The following SLC16A1 variants were observed in gnomAD, a reference collection of about 807,000 sequenced individuals.
The protein encoded by SLC16A1 is monocarboxylate transporter 1.
A neutral mutation model predicts 32.2 loss-of-function variants in SLC16A1; 11 were observed. The ratio of observed to expected loss-of-function variants is 0.34; its 90% CI spans 0.21 to 0.56. The LOEUF is 0.56. SLC16A1 is among the 20% of genes least tolerant of loss of function. The pLI, the probability that SLC16A1 is intolerant of heterozygous loss-of-function variation, is 0.87. For synonymous variants in SLC16A1, 231 were observed against 226.8 expected, an observed-to-expected ratio of 1.02 and a Z score of -0.17; for missense variants, 435 against 615.0, an observed-to-expected ratio of 0.71 and a Z score of 3.10.
At chr1:112,935,405 T>C (rs1649269121) in intron 1 of SLC16A1, among the ~76,000 whole-genome samples, 1 of 151,722 alleles carries the variant, frequency 6.6e-6, no homozygotes, top group Non-Finnish European at 1.5e-5. Context: ...AAGACTCCGC[T>C]TCAAAAAAAA....
chr1:112,952,697 C>T (rs1273474295), intron 1 of SLC16A1, among the ~76,000 whole-genome samples: 3 of 152,064 alleles, frequency 2.0e-5, no homozygotes, highest in Non-Finnish European at 4.4e-5. Flanking sequence ...TGTCGCTCAA[C>T]TCTTTGTGTT....
chr1:112,934,034 G>A (rs190618138), intron 1 of SLC16A1, among the ~76,000 whole-genome samples: 2 of 152,110 alleles, frequency 1.3e-5, no homozygotes, highest in Non-Finnish European at 2.9e-5. Flanking sequence ...TGATGCATGC[G>A]ATAACATGGA....
chr1:112,925,749 C>A (rs1648917305), intron 2 of SLC16A1, among the ~76,000 whole-genome samples: 1 of 152,126 alleles, frequency 6.6e-6, no homozygotes, highest in Non-Finnish European at 1.5e-5. Flanking sequence ...ATCTTAATTA[C>A]AAGAAAGTCT....
intron 1 of SLC16A1, among the ~76,000 whole-genome samples, chr1:112,947,885 A>C (rs1047574393): frequency 6.6e-6 from 1 of 152,190 alleles, no homozygotes; most frequent in Non-Finnish European, 1.5e-5. Flanking sequence ...TTGGCACTGA[A>C]ACATGATTCA....
At chr1:112,929,391 G>T in intron 1 of SLC16A1, 39 bp from the exon 2 acceptor site, 3 of 1,114,800 alleles carry the variant, frequency 2.7e-6, no homozygotes, top group East Asian at 2.5e-5. Flanking sequence ...TCAATATAAG[G>T]CACACCTATA....
intron 1 of SLC16A1, among the ~76,000 whole-genome samples, chr1:112,930,907 C>T (rs1449204234): frequency 9.9e-5 from 15 of 152,024 alleles, no homozygotes; most frequent in South Asian, 6.2e-4. Flanking sequence ...TTAGTAGAGA[C>T]GGGGTTTGGC....
chr1:112,944,994 C>CTTTTT (rs151186476), intron 1 of SLC16A1, among the ~76,000 whole-genome samples: 6 of 123,308 alleles, frequency 4.9e-5, no homozygotes, highest in Non-Finnish European at 5.0e-5. Context: ...CACCCAGCCT[C>CTTTTT]TTTTTTTTTT....
At chr1:112,932,032 CA>C (rs1649148121) in intron 1 of SLC16A1, among the ~76,000 whole-genome samples, 1 of 152,154 alleles carries the variant, frequency 6.6e-6, no homozygotes, top group Non-Finnish European at 1.5e-5. Context: ...CACTCAACTC[CA>C]AAACACTGTT....
chr1:112,932,419 G>A (rs563796751), intron 1 of SLC16A1, among the ~76,000 whole-genome samples: 1 of 152,162 alleles, frequency 6.6e-6, no homozygotes, highest in African/African-American at 2.4e-5. Context: ...TGTAGTCCTA[G>A]CTACTTGGGA....
At chr1:112,948,885 C>T (rs535077855) in intron 1 of SLC16A1, among the ~76,000 whole-genome samples, 15 of 152,284 alleles carry the variant, frequency 9.9e-5, no homozygotes, top group African/African-American at 3.6e-4. Context: ...GGCTGGAGTG[C>T]AGTGGCGTGA....
chr1:112,955,298 G>T (rs1650040398), intron 1 of SLC16A1: 1 of 152,164 alleles, frequency 6.6e-6, no homozygotes, highest in Non-Finnish European at 1.5e-5. Context: ...ACTTGCATCG[G>T]ACCAAGTGTA....
chr1:112,933,771 ACTCT>A (rs1222678376), intron 1 of SLC16A1, among the ~76,000 whole-genome samples: 2 of 151,942 alleles, frequency 1.3e-5, no homozygotes, highest in Non-Finnish European at 2.9e-5. Flanking sequence ...AGCCAATGGA[ACTCT>A]CATATTGCTG....
intron 1 of SLC16A1, among the ~76,000 whole-genome samples, chr1:112,953,960 A>G (rs1253479208): frequency 6.6e-6 from 1 of 152,224 alleles, no homozygotes; most frequent in African/African-American, 2.4e-5. Flanking sequence ...TGGCAATTAT[A>G]TATTTATCTG....
rs186226818 is a variant in SLC16A1, at chr1:112,924,152, C to T, written c.218-2019G>A. 2.1e-6 allele frequency: 3 copies of T among 1,452,094 alleles called. No individual in the cohort carries two copies. The East Asian group carries it at 6.8e-5, about 33-fold the overall frequency. The allele number at this position is 1,452,094 out of a possible 1,614,324, so 90.0% of individuals were successfully genotyped here. On this transcript the variant is annotated intron_variant, in intron 2 of 4. Coordinates refer to ENST00000369626, the MANE Select transcript of SLC16A1 (RefSeq NM_003051.4). ...CCCCCAGCATGACCTCGGCTGCCCTCTGGTGGATGTACCACCACTCACAGC... is the reference window on the plus strand; with the variant it reads ...CCCCCAGCATGACCTCGGCTGCCCTTTGGTGGATGTACCACCACTCACAGC...
intron 1 of SLC16A1, among the ~76,000 whole-genome samples, chr1:112,953,578 T>C (rs933174041): frequency 1.5e-4 from 23 of 152,336 alleles, no homozygotes; most frequent in South Asian, 6.2e-4. Context: ...TTCCTTAAAA[T>C]GGCTTACAAG....
rs1648396852 is a variant in SLC16A1 at position 112,913,620 on chromosome 1, T to C, written c.*271A>G. On this transcript the variant is annotated 3_prime_UTR_variant, in exon 5 of 5. Coordinates refer to ENST00000369626, the MANE Select transcript of SLC16A1 (RefSeq NM_003051.4). The stretch of plus-strand genomic sequence containing the variant: ...AGACTAAAACTTAAGGCACATATTA[T>C]AATCTTTATGACACTATTAAAAGCT... The C allele has an allele frequency of 2.1e-6, 1 of 477,474 alleles. No individual in the cohort carries two copies. The highest frequency in any genetic ancestry group is 3.5e-5 in the Admixed American group (1 of 28,890). 29.6% of individuals were successfully genotyped at this position (477,474 alleles called of 1,614,324 possible).
At position 112,917,286 on chromosome 1, in the gene SLC16A1, A is replaced by G; in HGVS notation, c.1120T>C (p.Leu374=). Residue 374 remains leucine, a synonymous_variant, in exon 4 of 5, where the codon TTG becomes CTG. Coordinates refer to ENST00000369626, the MANE Select transcript of SLC16A1 (RefSeq NM_003051.4). The surrounding 1 kb of genome is among the most constrained non-coding windows in gnomAD (Gnocchi z 4.1). ...ACAAGGTCCATCAATGTTTCAAACA[A>G]TACGGAGCTGAGCCACCCGAAGGCA... ...GFAFGWLSSV[L]FETLMDLVGP... is the part of the protein sequence containing the mutation. 1 of 1,614,224 alleles carries G rather than the reference A, an allele frequency of 6.2e-7. No homozygotes were observed. The highest frequency in any genetic ancestry group is 2.2e-5 in the East Asian group (1 of 44,882).
rs1649224130 is a variant in SLC16A1, at chr1:112,934,129, T to C, written c.-44-4777A>G. On this transcript the variant is annotated intron_variant, in intron 1 of 4. Transcript: ENST00000369626. ...ATATGGTCACATTTATATTAAATTG[T>C]AGAAAAGGCAAAATTCTAGCACAGG... Among the ~76,000 whole-genome samples, 3 of 152,260 alleles carry C rather than the reference T, an allele frequency of 2.0e-5. No individual in the cohort carries two copies. In the South Asian group the frequency reaches 6.2e-4, roughly 31 times the overall value.
At chr1:112,914,463 A>G (rs1648433175) in intron 4 of SLC16A1, among the ~76,000 whole-genome samples, 1 of 152,206 alleles carries the variant, frequency 6.6e-6, no homozygotes, top group Non-Finnish European at 1.5e-5. Flanking sequence ...CTCTTAATAC[A>G]CTATAGAAAT....
Sources: allele counts gnomAD v4.1 joint callset (sites outside exome capture counted in the v4.1 genomes callset), GRCh38; gene constraint gnomAD v4.1.1; non-coding constraint Gnocchi (gnomAD v3.1); transcripts MANE v1.5; gene names NCBI Gene and HGNC (gene_info 2026-07-23, HGNC 2026-07-21).